The following PCDH15 variants were observed in gnomAD, a reference collection of about 807,000 sequenced individuals.
PCDH15 encodes protocadherin-15.
A neutral mutation model predicts 178.5 loss-of-function variants in PCDH15; 129 were observed. That is an observed-to-expected ratio of 0.72 (90% CI 0.63 to 0.84). The LOEUF (loss-of-function observed/expected upper bound fraction) is 0.84, where lower values mean the gene tolerates loss of function less well. Ranked by LOEUF, PCDH15 falls within the 40% of genes least tolerant of loss-of-function variation. The pLI is 0.00. For synonymous variants in PCDH15, 800 were observed against 732.0 expected (o/e 1.09, Z -1.50); for missense variants, 2,230 against 2,099.9 (o/e 1.06, Z -1.21).
At chr10:53,885,501 G>A (rs370813864) in intron 26 of PCDH15, among the ~76,000 whole-genome samples, 18 of 152,196 alleles carry the variant, frequency 1.2e-4, no homozygotes, top group African/African-American at 4.1e-4. Context: ...GTTAGGGTTT[G>A]TTTCTCAGGA....
chr10:54,114,571 C>T (rs983204915), intron 15 of PCDH15, among the ~76,000 whole-genome samples: 15 of 151,990 alleles, frequency 9.9e-5, no homozygotes, highest in African/African-American at 3.6e-4. Context: ...TAATACTTGG[C>T]ATGACAATAT....
intron 1 of PCDH15, among the ~76,000 whole-genome samples, chr10:55,180,974 T>C (rs1314251086): frequency 6.6e-6 from 1 of 152,084 alleles, no homozygotes; most frequent in Non-Finnish European, 1.5e-5. Context: ...CTAAAAGATA[T>C]GGCTTTGAAC....
chr10:54,481,334 G>C (rs538449075), intron 3 of PCDH15, among the ~76,000 whole-genome samples: 1 of 151,572 alleles, frequency 6.6e-6, no homozygotes, highest in African/African-American at 2.4e-5. Context: ...TAAATTATAA[G>C]AAATTTAATA....
intron 2 of PCDH15, among the ~76,000 whole-genome samples, chr10:54,558,492 T>G (rs1313414707): frequency 6.6e-6 from 1 of 152,074 alleles, no homozygotes; most frequent in Non-Finnish European, 1.5e-5. Context: ...TTCCATACCT[T>G]AAATGACTCA....
intron 2 of PCDH15, among the ~76,000 whole-genome samples, chr10:55,462,580 C>T (rs1199844405): frequency 6.6e-6 from 1 of 150,830 alleles, no homozygotes; most frequent in Admixed American, 6.6e-5. Context: ...AGTATGAATC[C>T]AAAGGAAATG....
intron 13 of PCDH15, among the ~76,000 whole-genome samples, chr10:54,160,209 G>T (rs2045571387): frequency 6.6e-6 from 1 of 152,116 alleles, no homozygotes; most frequent in Admixed American, 6.6e-5. Flanking sequence ...GACAGAGTAG[G>T]ACACCTCAAG....
chr10:54,853,702 G>C (rs1053029079), intron 3 of PCDH15, among the ~76,000 whole-genome samples: 1 of 151,668 alleles, frequency 6.6e-6, no homozygotes, highest in Non-Finnish European at 1.5e-5. Flanking sequence ...GAACTGAATA[G>C]ACAGGTTTTC....
chr10:54,687,674 G>GA (rs1471479173), intron 1 of PCDH15, among the ~76,000 whole-genome samples: 1 of 152,044 alleles, frequency 6.6e-6, no homozygotes, highest in African/African-American at 2.4e-5. Context: ...GATGTAGCTA[G>GA]AAACCTCGTT....
At chr10:54,623,138 G>A (rs2093440419) in intron 2 of PCDH15, among the ~76,000 whole-genome samples, 2 of 152,080 alleles carry the variant, frequency 1.3e-5, no homozygotes, top group South Asian at 4.1e-4. Flanking sequence ...AGGTAGACTA[G>A]TTTCCACCAT....
chr10:54,343,656 G>A (rs943032811), intron 6 of PCDH15, among the ~76,000 whole-genome samples: 7 of 142,798 alleles, frequency 4.9e-5, no homozygotes, highest in Non-Finnish European at 7.7e-5. Flanking sequence ...GGGGGAGGTG[G>A]GAGGGGAGAG....
chr10:54,009,053 T>C (rs1471791506), intron 20 of PCDH15, among the ~76,000 whole-genome samples: 1 of 151,986 alleles, frequency 6.6e-6, no homozygotes, highest in African/African-American at 2.4e-5. Flanking sequence ...CTTCAGGCAA[T>C]CCATAATTTT....
intron 2 of PCDH15, chr10:54,600,779 C>A (rs2092483647): frequency 2.2e-6 from 1 of 444,480 alleles, no homozygotes. Flanking sequence ...CATAGGGGCT[C>A]CAGACATTGT....
chr10:54,460,012 A>G (rs2077072442), intron 3 of PCDH15, among the ~76,000 whole-genome samples: 1 of 152,168 alleles, frequency 6.6e-6, no homozygotes, highest in South Asian at 2.1e-4. Flanking sequence ...GTTTTTCAAA[A>G]TAAAAACATA....
intron 2 of PCDH15, among the ~76,000 whole-genome samples, chr10:55,066,496 A>AT (rs1414997118): frequency 6.7e-6 from 1 of 149,696 alleles, no homozygotes; most frequent in African/African-American, 2.4e-5. Context: ...TCTCAAAACT[A>AT]TTTTTTTAAG....
At chr10:54,790,355 C>T (rs763379958) in intron 1 of PCDH15, among the ~76,000 whole-genome samples, 61 of 150,888 alleles carry the variant, frequency 4.0e-4, no homozygotes, top group African/African-American at 6.1e-4. Flanking sequence ...TATATATATA[C>T]CTATATATGT....
chr10:54,556,654 ATT>A (rs35389224), intron 2 of PCDH15, among the ~76,000 whole-genome samples: 1 of 137,500 alleles, frequency 7.3e-6, no homozygotes, highest in Non-Finnish European at 1.5e-5. Flanking sequence ...TAGGGGGTGA[ATT>A]TTTTTTTTTT....
At chr10:55,019,240 T>G (rs1840264829) in intron 2 of PCDH15, among the ~76,000 whole-genome samples, 3 of 152,190 alleles carry the variant, frequency 2.0e-5, no homozygotes, top group African/African-American at 7.2e-5. Context: ...GTTAATATAA[T>G]AAACTCTAAT....
intron 11 of PCDH15, among the ~76,000 whole-genome samples, chr10:54,188,857 C>T (rs546385509): frequency 2.6e-5 from 4 of 151,860 alleles, no homozygotes; most frequent in African/African-American, 9.6e-5. Context: ...GACATATGTG[C>T]ACATATATAT....
At chr10:55,384,858 T>C (rs1256350041) in intron 2 of PCDH15, among the ~76,000 whole-genome samples, 1 of 152,172 alleles carries the variant, frequency 6.6e-6, no homozygotes, top group African/African-American at 2.4e-5. Context: ...TTTGAAATTT[T>C]ATTTACTGTA....
Sources: gnomAD v4.1 joint callset for allele counts (sites outside exome capture counted in the v4.1 genomes callset) on GRCh38, gnomAD v4.1.1 for gene constraint, MANE v1.5 for transcripts, NCBI Gene and HGNC (gene_info 2026-07-23, HGNC 2026-07-21) for gene names.